PARVG: variants seen among roughly 807,000 people sequenced by gnomAD.
PARVG encodes gamma-parvin.
A neutral mutation model predicts 44.4 loss-of-function variants in PARVG; 36 were observed. That is an observed-to-expected ratio of 0.81 (90% CI 0.62 to 1.07). The LOEUF (loss-of-function observed/expected upper bound fraction) is 1.07. Among genes scored for constraint, PARVG ranks in the 50% least tolerant of loss-of-function variants. The pLI is 0.00. For synonymous variants in PARVG, 170 were observed against 174.1 expected (o/e 0.98, Z 0.19); for missense variants, 407 against 407.4 (o/e 1.00, Z 0.01).
intron 9 of PARVG, among the ~76,000 whole-genome samples, 160 bp downstream of exon 9, chr22:44,193,983 C>G (rs1045042573): frequency 6.6e-6 from 1 of 152,226 alleles, no homozygotes; most frequent in Non-Finnish European, 1.5e-5. Flanking sequence ...CTCTTTCTGT[C>G]TGTCCATCCA....
chr22:44,189,011 T>A (rs1301462113), intron 5 of PARVG, 103 bp from the exon 6 acceptor site: 8 of 1,492,770 alleles, frequency 5.4e-6, no homozygotes, highest in Non-Finnish European at 7.3e-6. Flanking sequence ...TCCAGACCCA[T>A]GTTCCCTGAA....
rs529862708 is a variant in PARVG, at chr22:44,207,938, G to C, written c.*1512G>C. 7 of 152,478 alleles carry C rather than the reference G, an allele frequency of 4.6e-5. No individual in the cohort carries two copies. The East Asian group carries it at 1.4e-3, about 29-fold the overall frequency. 9.4% of individuals were successfully genotyped at this position (152,478 alleles called of 1,614,324 possible). ...GGGAAACGTGCATCCTCCCACACCA[G>C]GTACCTGGAGCCCAGCTCCTTCCAC... On this transcript the variant is annotated 3_prime_UTR_variant, in exon 14 of 14. Coordinates refer to ENST00000444313, the MANE Select transcript of PARVG (RefSeq NM_022141.7).
At chr22:44,196,235 A>G (rs750770372) in intron 10 of PARVG, 22 bp downstream of exon 10, 4 of 1,614,078 alleles carry the variant, frequency 2.5e-6, no homozygotes, top group Non-Finnish European at 3.4e-6. Context: ...CAAAGCTCTC[A>G]GCGGCTCTCA....
At chr22:44,199,020 C>T (rs2054669438) in intron 12 of PARVG, among the ~76,000 whole-genome samples, 1 of 104,102 alleles carries the variant, frequency 9.6e-6, no homozygotes, top group African/African-American at 4.5e-5. Flanking sequence ...CCCATCTACC[C>T]ATTATCTACC....
At chr22:44,187,933 C>A in intron 5 of PARVG, 55 bp downstream of exon 5, 1 of 1,576,294 alleles carries the variant, frequency 6.3e-7, no homozygotes, top group Non-Finnish European at 8.7e-7. Context: ...CCTGACCTGG[C>A]CCCTCCAGGG....
In PARVG at chr22:44,181,389, G is replaced by C. The variant is rs2054373991; in HGVS notation, c.-189+204G>C. ...AGTCCAGGTAGGAGTCTCCTGCGTG[G>C]TCCCGGGAGAGGAAGGGGCCTGGCC... On this transcript the variant is annotated intron_variant, in intron 1 of 13. Coordinates refer to ENST00000444313, the MANE Select transcript of PARVG (RefSeq NM_022141.7). The C allele has an allele frequency of 1.2e-5, 12 of 985,436 alleles. No homozygotes were observed. In the South Asian group the frequency reaches 5.2e-4, roughly 42 times the overall value. 61.0% of individuals were successfully genotyped at this position (985,436 alleles called of 1,614,324 possible).
At chr22:44,180,478 A>C (rs1415369057), upstream of PARVG, among the ~76,000 whole-genome samples, 9 of 152,204 alleles carry the variant, frequency 5.9e-5, no homozygotes, top group East Asian at 1.7e-3. Context: ...CTGTGTCCAG[A>C]GCTGGGCTGA....
intron 12 of PARVG, among the ~76,000 whole-genome samples, chr22:44,199,823 G>A (rs1168812206): frequency 6.6e-6 from 1 of 152,190 alleles, no homozygotes; most frequent in Non-Finnish European, 1.5e-5. Flanking sequence ...GGGTCAGGGA[G>A]GTGTAGGTGC....
intron 8 of PARVG, 58 bp downstream of exon 8, chr22:44,192,162 C>A: frequency 3.9e-6 from 6 of 1,536,754 alleles, no homozygotes; most frequent in East Asian, 4.5e-5. Flanking sequence ...TGGATGGGGG[C>A]AGGGTGGGGG....
At position 44,181,041 on chromosome 22, in the gene PARVG, A is replaced by C. The variant is rs1601725691; in HGVS notation, c.-333A>C. 10 of 946,260 alleles carry C rather than the reference A, an allele frequency of 1.1e-5. No homozygotes were observed. Among genetic ancestry groups the C allele is most frequent in the South Asian group, 4.9e-5 (1 of 20,544 alleles). 58.6% of individuals were successfully genotyped at this position (946,260 alleles called of 1,614,324 possible). A position where few individuals can be genotyped will look rare whatever the true frequency, so the allele number is the denominator to read the frequency against. ...TGTTTTCTCCACCTGCCACGTTCTCACCCCTTCTTCTTCCACTGCAAACTC... is the reference window on the plus strand; with the variant it reads ...TGTTTTCTCCACCTGCCACGTTCTCCCCCCTTCTTCTTCCACTGCAAACTC... On this transcript the variant is annotated 5_prime_UTR_variant, in exon 1 of 14. Coordinates refer to ENST00000444313, the MANE Select transcript of PARVG (RefSeq NM_022141.7).
intron 3 of PARVG, chr22:44,184,434 G>T (rs1053037595): frequency 6.6e-6 from 1 of 152,172 alleles, no homozygotes. Context: ...TGCCTCCCAG[G>T]TTTAAGAGAT....
chr22:44,193,873 A>G, intron 9 of PARVG, 50 bp downstream of exon 9: 1 of 1,602,512 alleles, frequency 6.2e-7, no homozygotes, highest in South Asian at 1.1e-5. Flanking sequence ...GATGCGTGTT[A>G]ATGCAGACAA....
chr22:44,174,554 CAAACAA>C (rs1372440669), intron 1 of PARVG, among the ~76,000 whole-genome samples: 2 of 117,116 alleles, frequency 1.7e-5, no homozygotes, highest in African/African-American at 3.7e-5. Flanking sequence ...TAAAAACAAA[CAAACAA>C]AAAAAAAAAC....
intron 9 of PARVG, 108 bp downstream of exon 9, chr22:44,193,931 C>T: frequency 7.1e-7 from 1 of 1,400,624 alleles, no homozygotes; most frequent in South Asian, 1.2e-5. Flanking sequence ...TTCCCTGTCA[C>T]TTGCTGTTTG....
Position 44,189,099 on chromosome 22 carries a change from C to T in PARVG, c.248-15C>T, listed in dbSNP as rs1231934265. 1.2e-6 allele frequency: 2 copies of T among 1,613,778 alleles called. No individual in the cohort carries two copies. The highest frequency in any genetic ancestry group is 2.7e-5 in the African/African-American group (2 of 74,948). On this transcript the variant is annotated splice_polypyrimidine_tract_variant and intron_variant, in intron 5 of 13. Coordinates refer to ENST00000444313, the MANE Select transcript of PARVG (RefSeq NM_022141.7). ...TCCCCGGCCAGGGGTCCTCACCACC[C>T]TCTCCTGCCTCCAGAGAGGCTGGCG... is the stretch of plus-strand genomic sequence containing the variant.
intron 6 of PARVG, 127 bp downstream of exon 6, chr22:44,189,381 A>G: frequency 7.1e-7 from 1 of 1,406,782 alleles, no homozygotes; most frequent in Non-Finnish European, 9.6e-7. Context: ...CCTGGGAGTC[A>G]GGAAGGAGGT....
intron 12 of PARVG, among the ~76,000 whole-genome samples, chr22:44,200,187 A>T (rs535445980): frequency 6.6e-6 from 1 of 152,136 alleles, no homozygotes; most frequent in African/African-American, 2.4e-5. Flanking sequence ...TTCCCTTCCC[A>T]GGAGCACCCT....
intron 11 of PARVG, among the ~76,000 whole-genome samples, 196 bp from the exon 12 acceptor site, chr22:44,198,425 A>G (rs1037113732): frequency 6.6e-6 from 1 of 152,318 alleles, no homozygotes; most frequent in African/African-American, 2.4e-5. Flanking sequence ...CTGAGCATGT[A>G]CTATATACCA....
chr22:44,194,815 A>T (rs1431839899), intron 9 of PARVG, among the ~76,000 whole-genome samples: 1 of 150,916 alleles, frequency 6.6e-6, no homozygotes, highest in African/African-American at 2.4e-5. Flanking sequence ...ACACCCACCT[A>T]TCCATATATT....
Sources: gnomAD v4.1 joint callset for allele counts (sites outside exome capture counted in the v4.1 genomes callset) on GRCh38, gnomAD v4.1.1 for gene constraint, MANE v1.5 for transcripts, NCBI Gene and HGNC (gene_info 2026-07-23, HGNC 2026-07-21) for gene names.